Variants in LRRC28 observed in about 807,000 individuals in gnomAD.
LRRC28 encodes leucine rich repeat containing 28, also known as leucine-rich repeat-containing protein 28.
LRRC28 carries 39 observed loss-of-function variants against 45.7 expected under a neutral mutation model. That is an observed-to-expected ratio of 0.85 (90% CI 0.66 to 1.12). The LOEUF is 1.12. Among genes scored for constraint, LRRC28 ranks in the 50% most tolerant of loss-of-function variants. LRRC28 has a pLI of 0.00. For missense variants in LRRC28, 435 were observed against 438.5 expected, an observed-to-expected ratio of 0.99 and a Z score of 0.07; for synonymous variants, 206 against 178.8, an observed-to-expected ratio of 1.15 and a Z score of -1.22.
rs149789615 is a variant in LRRC28, at chr15:99,349,083, T to C, written c.593-3286T>C. Among the ~76,000 whole-genome samples, 477 of 152,316 alleles carry C rather than the reference T, an allele frequency of 3.1e-3. 2 individuals carry two copies. Among genetic ancestry groups the C allele is most frequent in the African/African-American group, 0.011 (447 of 41,580 alleles). On this transcript the variant is annotated intron_variant, in intron 6 of 9. Coordinates refer to ENST00000301981, the MANE Select transcript of LRRC28 (RefSeq NM_144598.5). ...GATTTCTTTCTTTGGTAGGTTGTTA[T>C]TTGTATATAGAAATGCTATGAATTT...
intron 5 of LRRC28, among the ~76,000 whole-genome samples, chr15:99,328,334 C>T (rs937313618): frequency 6.6e-6 from 1 of 152,162 alleles, no homozygotes; most frequent in African/African-American, 2.4e-5. Flanking sequence ...CTAAAAGTCA[C>T]AATTGTGAAA....
At chr15:99,268,252 A>G (rs2081382923) in intron 2 of LRRC28, among the ~76,000 whole-genome samples, 1 of 152,188 alleles carries the variant, frequency 6.6e-6, no homozygotes, top group South Asian at 2.1e-4. Flanking sequence ...TTTCCTGTGA[A>G]TAAAAGTCTA....
intron 2 of LRRC28, chr15:99,259,400 G>GT: frequency 6.5e-7 from 1 of 1,550,356 alleles, no homozygotes; most frequent in South Asian, 1.1e-5. Context: ...CAAGGAAGGA[G>GT]TGAAGTTTGA....
intron 3 of LRRC28, among the ~76,000 whole-genome samples, chr15:99,280,974 A>G (rs2081770729): frequency 6.6e-6 from 1 of 150,708 alleles, no homozygotes; most frequent in African/African-American, 2.4e-5. Context: ...TTTCTTCTTC[A>G]GTGTCTAATG....
chr15:99,353,780 A>G (rs966057944), intron 7 of LRRC28: 2 of 152,234 alleles, frequency 1.3e-5, no homozygotes, highest in Admixed American at 6.5e-5. Context: ...TGCGATCTGC[A>G]TCTCTGCCAC....
chr15:99,318,830 T>G (rs1955690225), intron 5 of LRRC28, among the ~76,000 whole-genome samples: 1 of 152,122 alleles, frequency 6.6e-6, no homozygotes, highest in Admixed American at 6.5e-5. Flanking sequence ...AATTTTTGTG[T>G]TGTGCATGTG....
chr15:99,331,439 G>C (rs1252535604), intron 5 of LRRC28, among the ~76,000 whole-genome samples: 1 of 152,038 alleles, frequency 6.6e-6, no homozygotes, highest in Non-Finnish European at 1.5e-5. Flanking sequence ...TCATGCTTCT[G>C]TTAAAAGTAC....
chr15:99,324,484 T>A (rs1032345953), intron 5 of LRRC28, among the ~76,000 whole-genome samples: 2 of 152,120 alleles, frequency 1.3e-5, no homozygotes, highest in Non-Finnish European at 2.9e-5. Context: ...TGTCATTGAC[T>A]CTCTGTGGTC....
At chr15:99,279,920 C>T (rs529060006) in intron 3 of LRRC28, among the ~76,000 whole-genome samples, 1 of 152,294 alleles carries the variant, frequency 6.6e-6, no homozygotes, top group East Asian at 1.9e-4. Flanking sequence ...TTCCATTTTA[C>T]ATTTCCCCTG....
At chr15:99,338,738 G>T (rs1956408549) in intron 6 of LRRC28, among the ~76,000 whole-genome samples, 1 of 152,118 alleles carries the variant, frequency 6.6e-6, no homozygotes, top group Admixed American at 6.5e-5. Flanking sequence ...TCTTCAAAAG[G>T]TAACTAGAGA....
chr15:99,334,246 C>T (rs1045966556), intron 6 of LRRC28, 117 bp downstream of exon 6: 18 of 1,200,702 alleles, frequency 1.5e-5, no homozygotes, highest in Middle Eastern at 2.0e-4. Flanking sequence ...GATTGCTTCT[C>T]TAAGTTTGTT....
At chr15:99,364,862 A>C (rs958239455) in intron 9 of LRRC28, among the ~76,000 whole-genome samples, 3 of 152,168 alleles carry the variant, frequency 2.0e-5, no homozygotes, top group Non-Finnish European at 2.9e-5. Flanking sequence ...GAGATTTTTT[A>C]TTTCTTATTT....
intron 5 of LRRC28, among the ~76,000 whole-genome samples, chr15:99,328,535 C>T (rs28850947): frequency 0.011 from 1,660 of 151,872 alleles, 22 homozygotes; most frequent in African/African-American, 0.037. Flanking sequence ...GACTCGTGGC[C>T]TTAATTTTAG....
At chr15:99,269,043 CATT>C (rs1391145326) in intron 2 of LRRC28, among the ~76,000 whole-genome samples, 1 of 151,982 alleles carries the variant, frequency 6.6e-6, no homozygotes, top group Non-Finnish European at 1.5e-5. Flanking sequence ...AATTCAGAAA[CATT>C]GTATTTTTGT....
chr15:99,256,879 TTGTA>T (rs1317692829), intron 2 of LRRC28, among the ~76,000 whole-genome samples: 1 of 152,246 alleles, frequency 6.6e-6, no homozygotes. Context: ...TGGATTTACT[TTGTA>T]TGGCCTTTTC....
rs1433746223 is a variant in LRRC28 at position 99,375,430 on chromosome 15, GT to G, written c.1032-10595del. 3.9e-5 allele frequency among the ~76,000 whole-genome samples: 6 copies of G among 152,110 alleles called. No individual in the cohort carries two copies. In the East Asian group the frequency reaches 1.2e-3, roughly 29 times the overall value. On this transcript the variant is annotated intron_variant, in intron 9 of 9. Transcript: ENST00000301981. ...GAAAGATACTGGTCTGTAATTTTCT[GT>G]TTTTGTATTATCCTTGTCTGGTTCT...
intron 9 of LRRC28, chr15:99,363,478 TTTA>T: frequency 4.3e-6 from 2 of 466,092 alleles, no homozygotes. Flanking sequence ...GCTGGACAGT[TTTA>T]TTGTATATAT....
At chr15:99,252,757 G>T (rs2080879847) in intron 1 of LRRC28, among the ~76,000 whole-genome samples, 1 of 152,156 alleles carries the variant, frequency 6.6e-6, no homozygotes, top group Non-Finnish European at 1.5e-5. Flanking sequence ...ATATTAGAAG[G>T]CCTACTTTAA....
chr15:99,381,301 C>G (rs1023123739), intron 9 of LRRC28, among the ~76,000 whole-genome samples: 10 of 152,188 alleles, frequency 6.6e-5, no homozygotes, highest in African/African-American at 2.4e-4. Context: ...ATCACTGATA[C>G]CCTTTCTTCC....
Sources: allele counts gnomAD v4.1 joint callset (sites outside exome capture counted in the v4.1 genomes callset), GRCh38; gene constraint gnomAD v4.1.1; transcripts MANE v1.5; gene names NCBI Gene and HGNC (gene_info 2026-07-23, HGNC 2026-07-21).